The following WWP1 variants were observed in gnomAD, a reference collection of about 807,000 sequenced individuals.
The protein encoded by WWP1 is WW domain containing E3 ubiquitin protein ligase 1.
A neutral mutation model predicts 130.6 loss-of-function variants in WWP1; 49 were observed. The ratio of observed to expected loss-of-function variants is 0.38; its 90% CI spans 0.30 to 0.48. WWP1 has a LOEUF of 0.48. Among genes scored for constraint, WWP1 ranks in the 20% least tolerant of loss-of-function variants. The probability of loss-of-function intolerance (pLI) is 0.99; values close to 1 mark genes in which losing one functional copy is unlikely to be tolerated. For missense variants in WWP1, 809 were observed against 1,100.6 expected (o/e 0.74, Z 3.75); for synonymous variants, 332 against 367.8 (o/e 0.90, Z 1.11).
intron 18 of WWP1, among the ~76,000 whole-genome samples, chr8:86,445,976 CTTTTTTT>C (rs56731329): frequency 7.1e-5 from 6 of 84,984 alleles, no homozygotes; most frequent in Non-Finnish European, 1.1e-4. Context: ...CTTTTCTTTT[CTTTTTTT>C]TTTTTTTTTT....
intron 4 of WWP1, 27 bp from the exon 5 acceptor site, chr8:86,381,478 T>C (rs913242390): frequency 5.0e-6 from 8 of 1,598,302 alleles, no homozygotes; most frequent in Non-Finnish European, 6.8e-6. Context: ...TACTCCTGTA[T>C]TTTTGTTAAT....
rs1809931554 is a variant in WWP1 at position 86,431,013 on chromosome 8, A to G, written c.1387+262A>G. ...ATCCATATTAAATATATTATATATT[A>G]TAAGGGATATATATGTATATTATAT... On this transcript the variant is annotated intron_variant, in intron 12 of 24. Transcript: ENST00000517970. 3.6e-5 allele frequency among the ~76,000 whole-genome samples: 5 copies of G among 138,258 alleles called. No homozygotes were observed. In the South Asian group the frequency reaches 1.1e-3, roughly 30 times the overall value. 90.7% of individuals were successfully genotyped at this position (138,258 alleles called of 152,430 possible).
At chr8:86,407,602 A>G (rs1808351197) in intron 8 of WWP1, among the ~76,000 whole-genome samples, 1 of 152,202 alleles carries the variant, frequency 6.6e-6, no homozygotes. Flanking sequence ...CCATTGATAT[A>G]TATGAACAGT....
At chr8:86,459,300 T>C (rs1055961194) in intron 22 of WWP1, among the ~76,000 whole-genome samples, 10 of 151,580 alleles carry the variant, frequency 6.6e-5, no homozygotes, top group Admixed American at 2.0e-4. Context: ...CCTCCTGAAG[T>C]GCTGGGATTG....
chr8:86,379,797 G>A (rs1441150144), intron 3 of WWP1, among the ~76,000 whole-genome samples: 1 of 152,150 alleles, frequency 6.6e-6, no homozygotes, highest in Non-Finnish European at 1.5e-5. Flanking sequence ...ATTTCAGAAA[G>A]ACAAGTTAAT....
chr8:86,397,348 G>A (rs1807734379), intron 5 of WWP1, among the ~76,000 whole-genome samples: 1 of 152,064 alleles, frequency 6.6e-6, no homozygotes, highest in African/African-American at 2.4e-5. Flanking sequence ...AATTATAGTT[G>A]TATATATTTA....
chr8:86,405,380 C>T (rs1030066598), intron 8 of WWP1, among the ~76,000 whole-genome samples: 11 of 136,018 alleles, frequency 8.1e-5, no homozygotes, highest in African/African-American at 2.8e-4. Context: ...ATGACTAGAA[C>T]TGATGAAAGG....
rs761322468 is a variant in WWP1, at chr8:86,427,785, A to T, written c.1300A>T (p.Met434Leu). Residue 434 changes from methionine to leucine, a missense_variant, in exon 11 of 25, where the codon ATG (methionine) becomes TTG (leucine). Transcript: ENST00000517970. ...QSQRNQLQGA[M>L]QQFNQRYLYS... ...TCAGCGGAACCAATTGCAGGGAGCT[A>T]TGCAACAGTTTAACCAACGATACCT... The T allele has an allele frequency of 1.9e-6, 3 of 1,613,092 alleles. No homozygotes were observed. The highest frequency in any genetic ancestry group is 2.5e-6 in the Non-Finnish European group (3 of 1,179,516).
chr8:86,354,825 G>GGTTA (rs1823163464), intron 1 of WWP1, among the ~76,000 whole-genome samples: 1 of 152,072 alleles, frequency 6.6e-6, no homozygotes, highest in African/African-American at 2.4e-5. Context: ...TTGAGAGTGT[G>GGTTA]GTTAGAGTGG....
At chr8:86,462,793 G>C (rs1363174087) in intron 24 of WWP1, among the ~76,000 whole-genome samples, 1 of 151,634 alleles carries the variant, frequency 6.6e-6, no homozygotes, top group Non-Finnish European at 1.5e-5. Flanking sequence ...AATGGTTTGT[G>C]AACCTGCTTG....
chr8:86,449,356 C>T (rs1811052113), intron 20 of WWP1, among the ~76,000 whole-genome samples: 1 of 152,230 alleles, frequency 6.6e-6, no homozygotes, highest in African/African-American at 2.4e-5. Flanking sequence ...TTTAGGCTTA[C>T]AGGCACATTT....
chr8:86,436,981 G>T, intron 16 of WWP1, among the ~76,000 whole-genome samples: 1 of 151,632 alleles, frequency 6.6e-6, no homozygotes, highest in African/African-American at 2.4e-5. Flanking sequence ...TAAATTCTTA[G>T]CAAACTAAGT....
intron 1 of WWP1, among the ~76,000 whole-genome samples, chr8:86,343,641 C>T (rs911540281): frequency 1.3e-5 from 2 of 152,078 alleles, no homozygotes; most frequent in Non-Finnish European, 2.9e-5. Flanking sequence ...CTTTGCTCTG[C>T]CGATTTGGAG....
intron 5 of WWP1, among the ~76,000 whole-genome samples, chr8:86,396,338 A>T (rs1220823206): frequency 6.6e-6 from 1 of 152,032 alleles, no homozygotes; most frequent in Non-Finnish European, 1.5e-5. Flanking sequence ...AGATCTTGTG[A>T]TCCGCCCGCC....
intron 7 of WWP1, among the ~76,000 whole-genome samples, chr8:86,400,528 A>G (rs1807916727): frequency 6.6e-6 from 1 of 152,052 alleles, no homozygotes; most frequent in South Asian, 2.1e-4. Flanking sequence ...ATAAGCCACA[A>G]ATGAACCATC....
intron 5 of WWP1, among the ~76,000 whole-genome samples, chr8:86,394,284 C>A (rs1418391809): frequency 1.3e-5 from 2 of 152,182 alleles, no homozygotes; most frequent in East Asian, 3.8e-4. Context: ...ATTGTTCTGT[C>A]TCAAATTGCT....
rs1213198066 is a variant in WWP1 at position 86,342,815 on chromosome 8, G to C, written c.-230G>C. 4 of 368,828 alleles carry C rather than the reference G, an allele frequency of 1.1e-5. No individual in the cohort carries two copies. Among genetic ancestry groups the C allele is most frequent in the African/African-American group, 8.5e-5 (4 of 47,210 alleles). The allele number at this position is 368,828 out of a possible 1,614,324, so 22.8% of individuals were successfully genotyped here. ...GGCCGACGCCTGGGTGGCTGCTGCCGCCGCGCCTGCTGCGAGATGGCGATC... is the reference window on the plus strand; with the variant it reads ...GGCCGACGCCTGGGTGGCTGCTGCCCCCGCGCCTGCTGCGAGATGGCGATC... On this transcript the variant is annotated 5_prime_UTR_variant, in exon 1 of 25. Transcript: ENST00000517970.
At chr8:86,380,560 A>G (rs372497132) in intron 3 of WWP1, among the ~76,000 whole-genome samples, 166 bp from the exon 4 acceptor site, 1 of 152,214 alleles carries the variant, frequency 6.6e-6, no homozygotes, top group Non-Finnish European at 1.5e-5. Context: ...GAAACATTCA[A>G]ATGGCTCTCA....
At chr8:86,396,390 C>T (rs897206221) in intron 5 of WWP1, among the ~76,000 whole-genome samples, 14 of 151,612 alleles carry the variant, frequency 9.2e-5, no homozygotes, top group African/African-American at 1.9e-4. Context: ...TGAGCCACTG[C>T]GCCTGGCTGC....
Sources: gnomAD v4.1 joint callset for allele counts (sites outside exome capture counted in the v4.1 genomes callset) on GRCh38, gnomAD v4.1.1 for gene constraint, MANE v1.5 for transcripts, NCBI Gene and HGNC (gene_info 2026-07-23, HGNC 2026-07-21) for gene names.